The following RYR2 variants were observed in gnomAD, a reference collection of about 807,000 sequenced individuals.
RYR2 encodes the protein ryanodine receptor 2.
RYR2 carries 227 observed loss-of-function variants against 601.1 expected under a neutral mutation model. The ratio of observed to expected loss-of-function variants is 0.38; its 90% CI spans 0.34 to 0.42. RYR2 has a LOEUF of 0.42. Ranked by LOEUF, RYR2 falls within the 10% of genes least tolerant of loss-of-function variation. The pLI is 1.00. For synonymous variants in RYR2, 2,223 were observed against 2,175.1 expected, an observed-to-expected ratio of 1.02 and a Z score of -0.61; for missense variants, 4,646 against 6,156.5, an observed-to-expected ratio of 0.75 and a Z score of 8.21.
At chr1:237,580,486 A>G (rs2148365545) in intron 29 of RYR2, among the ~76,000 whole-genome samples, 1 of 151,142 alleles carries the variant, frequency 6.6e-6, no homozygotes, top group African/African-American at 2.4e-5. Context: ...AAAAAAAATG[A>G]AGAAATGCCT....
At chr1:237,251,028 A>ATATGTG (rs377481969) in intron 1 of RYR2, among the ~76,000 whole-genome samples, 3 of 139,224 alleles carry the variant, frequency 2.2e-5, no homozygotes, top group African/African-American at 7.7e-5. Context: ...TCCCCAACAG[A>ATATGTG]TGTGTGTGTG....
rs901011112 is a variant in RYR2, at chr1:237,798,294, CAG to C, written c.14090+126_14090+127del. ...CAGAAGAATAGATAGATGAGGAAAA[CAG>C]AAAGTATATAAAGTCTACTTTTACA... On this transcript the variant is annotated intron_variant, in intron 97 of 104. Coordinates refer to ENST00000366574, the MANE Select transcript of RYR2 (RefSeq NM_001035.3). 111 of 853,930 alleles carry C rather than the reference CAG, an allele frequency of 1.3e-4. No homozygotes were observed. In the African/African-American group the frequency reaches 1.3e-3, roughly 10 times the overall value. 52.9% of individuals were successfully genotyped at this position (853,930 alleles called of 1,614,324 possible).
At chr1:237,502,786 T>C (rs1664801884) in intron 21 of RYR2, among the ~76,000 whole-genome samples, 1 of 150,760 alleles carries the variant, frequency 6.6e-6, no homozygotes, top group Non-Finnish European at 1.5e-5. Context: ...AGAATTTCAT[T>C]AGGAAATTGG....
intron 4 of RYR2, among the ~76,000 whole-genome samples, chr1:237,361,151 C>T (rs574381043): frequency 6.6e-6 from 1 of 152,306 alleles, no homozygotes; most frequent in East Asian, 1.9e-4. Context: ...CACATATTTT[C>T]ATCATAAGAG....
Position 237,784,941 on chromosome 1 carries a change from T to A in RYR2, c.13229T>A (p.Val4410Asp). Residue 4410 changes from valine (V) to aspartate (D), a missense_variant, in exon 90 of 105, where the codon GTC becomes GAC. Transcript: ENST00000366574. This position sits in a 1 kb window ranked among gnomAD's most constrained non-coding sequence, Gnocchi z 7.1. ...CTCAGTGACCTCATGAGCAACCCAG[T>A]CCCCATGCCTGAGGTGCAGGAAAAA... ...AGLSDLMSNP[V>D]PMPEVQEKFQ... 1.2e-6 allele frequency: 2 copies of A among 1,602,714 alleles called. No homozygotes were observed. The highest frequency in any genetic ancestry group is 1.7e-6 in the Non-Finnish European group (2 of 1,174,398).
intron 1 of RYR2, among the ~76,000 whole-genome samples, chr1:237,127,541 G>A (rs1382609217): frequency 6.6e-6 from 1 of 151,300 alleles, no homozygotes; most frequent in African/African-American, 2.4e-5. Context: ...TCCCGGACGG[G>A]GCGGCTGGCC....
chr1:237,734,820 T>A (rs1218283006), intron 79 of RYR2, among the ~76,000 whole-genome samples: 1 of 152,136 alleles, frequency 6.6e-6, no homozygotes, highest in Non-Finnish European at 1.5e-5. Flanking sequence ...AGTGGAGGTG[T>A]CAAACATGCA....
chr1:237,704,727 T>G (rs1003216277), intron 66 of RYR2, among the ~76,000 whole-genome samples: 2 of 151,782 alleles, frequency 1.3e-5, no homozygotes, highest in Non-Finnish European at 1.5e-5. Flanking sequence ...TATAAAGTGA[T>G]TGGGGAAACA....
intron 1 of RYR2, among the ~76,000 whole-genome samples, chr1:237,062,362 A>G (rs965668735): frequency 6.6e-6 from 1 of 152,196 alleles, no homozygotes; most frequent in Non-Finnish European, 1.5e-5. Flanking sequence ...CTCCCAATCT[A>G]TGAACATGGT....
chr1:237,316,158 A>C (rs1695089948), intron 2 of RYR2, among the ~76,000 whole-genome samples: 2 of 152,170 alleles, frequency 1.3e-5, no homozygotes, highest in South Asian at 4.1e-4. Flanking sequence ...ACTGAATTTA[A>C]AGTTCCCTTT....
At chr1:237,716,004 A>G (rs1689236047) in intron 71 of RYR2, among the ~76,000 whole-genome samples, 1 of 152,170 alleles carries the variant, frequency 6.6e-6, no homozygotes, top group South Asian at 2.1e-4. Context: ...ACAAGTTGGT[A>G]TGTATAAAAA....
In RYR2 at chr1:237,491,873, A is replaced by T. The variant is rs72549414; in HGVS notation, c.1776A>T (p.Gly592=). ...AAGCTCTAAATATTATTAAAGAAGGACATATTAAATCTATTATCTCACTTT... is the reference window on the plus strand; with the variant it reads ...AAGCTCTAAATATTATTAAAGAAGGTCATATTAAATCTATTATCTCACTTT... ...SPEALNIIKE[G]HIKSIISLLD... is the part of the protein sequence containing the mutation. The change falls in exon 18 of 105, where the codon GGA becomes GGT. Residue 592 remains glycine (G), a synonymous_variant. Coordinates refer to ENST00000366574, the MANE Select transcript of RYR2 (RefSeq NM_001035.3). 30,937 of 1,468,978 alleles carry T rather than the reference A, an allele frequency of 0.021. 417 individuals carry two copies. The highest frequency in any genetic ancestry group is 0.042 in the African/African-American group (3,012 of 71,458). The allele number at this position is 1,468,978 out of a possible 1,614,324, so 91.0% of individuals were successfully genotyped here.
At chr1:237,437,912 A>T (rs1166081411) in intron 12 of RYR2, among the ~76,000 whole-genome samples, 1 of 152,176 alleles carries the variant, frequency 6.6e-6, no homozygotes, top group Non-Finnish European at 1.5e-5. Flanking sequence ...GGATCTTGAC[A>T]TTTTCTTGAT....
chr1:237,497,490 A>G (rs1664198560), intron 20 of RYR2, among the ~76,000 whole-genome samples: 1 of 152,218 alleles, frequency 6.6e-6, no homozygotes, highest in African/African-American at 2.4e-5. Flanking sequence ...GTTAAAATTC[A>G]TCTGGATTCT....
At chr1:237,309,665 C>T (rs981684247) in intron 2 of RYR2, among the ~76,000 whole-genome samples, 8 of 152,188 alleles carry the variant, frequency 5.3e-5, no homozygotes, top group East Asian at 1.9e-4. Context: ...TGGGACCAGG[C>T]GCCATGGAGC....
In RYR2 at chr1:237,830,532, C is replaced by A; in HGVS notation, c.14658C>A (p.Thr4886=). The A allele has an allele frequency of 6.3e-7, 1 of 1,592,284 alleles. No individual in the cohort carries two copies. The highest frequency in any genetic ancestry group is 8.6e-7 in the Non-Finnish European group (1 of 1,160,234). The change falls in exon 103 of 105, where the codon ACC becomes ACA. Residue 4886 remains threonine, a splice_region_variant and synonymous_variant. Transcript: ENST00000366574. ...QQEQVKEDME[T]KCFICGIGND... is the part of the protein sequence containing the mutation. ...TAATATTTCCCTTTGTTTTCTAGAC[C>A]AAATGCTTCATCTGTGGGATAGGCA...
intron 1 of RYR2, among the ~76,000 whole-genome samples, chr1:237,045,986 T>C (rs1393342339): frequency 6.6e-6 from 1 of 151,474 alleles, no homozygotes; most frequent in African/African-American, 2.4e-5. Flanking sequence ...ACCCATAGAT[T>C]GAGACTTAAA....
chr1:237,123,718 A>G (rs1296010032), intron 1 of RYR2, among the ~76,000 whole-genome samples: 1 of 122,408 alleles, frequency 8.2e-6, no homozygotes, highest in Non-Finnish European at 1.6e-5. Context: ...CGGACTGCGG[A>G]CTGCAGTGGT....
At chr1:237,706,830 A>AGGCATGCCACGTCTTGCG (rs1383313094) in intron 67 of RYR2, 119 bp from the exon 68 acceptor site, 2 of 772,604 alleles carry the variant, frequency 2.6e-6, no homozygotes, top group African/African-American at 3.4e-5. Context: ...AGCCAGTTGC[A>AGGCATGCCACGTCTTGCG]GGCATGCCAC....
Sources: gnomAD v4.1 joint callset for allele counts (sites outside exome capture counted in the v4.1 genomes callset) on GRCh38, gnomAD v4.1.1 for gene constraint, Gnocchi (gnomAD v3.1) non-coding constraint, MANE v1.5 for transcripts, NCBI Gene and HGNC (gene_info 2026-07-23, HGNC 2026-07-21) for gene names.